Variants in RAD50 observed in about 807,000 individuals in gnomAD.
RAD50 encodes the protein DNA repair protein RAD50.
In RAD50, 132 loss-of-function variants were observed where a neutral mutation model predicts 168.8. The ratio of observed to expected loss-of-function variants is 0.78; its 90% confidence interval spans 0.68 to 0.90. RAD50 has a LOEUF of 0.90. Among genes scored for constraint, RAD50 ranks in the 40% least tolerant of loss-of-function variants. RAD50 has a pLI of 0.00. For synonymous variants in RAD50, 525 were observed against 497.4 expected (o/e 1.06, Z -0.74); for missense variants, 1,347 against 1,534.4 (o/e 0.88, Z 2.04).
At chr5:132,614,728 C>T (rs1349795450) in intron 19 of RAD50, among the ~76,000 whole-genome samples, 1 of 148,868 alleles carries the variant, frequency 6.7e-6, no homozygotes, top group Non-Finnish European at 1.5e-5. Context: ...ATTTTTGATC[C>T]ATGGTTAGTT....
At chr5:132,619,889 G>GATATATATATATATAT (rs1281581940) in intron 21 of RAD50, among the ~76,000 whole-genome samples, 1 of 132,006 alleles carries the variant, frequency 7.6e-6, no homozygotes, top group African/African-American at 3.0e-5. Flanking sequence ...TATATATAGA[G>GATATATATATATATAT]AGAGAGAGAG....
intron 19 of RAD50, 52 bp downstream of exon 19, chr5:132,609,448 T>C (rs1195713046): frequency 5.0e-6 from 8 of 1,599,248 alleles, no homozygotes; most frequent in Non-Finnish European, 6.8e-6. Flanking sequence ...TTCTTTTCTA[T>C]AGTTTTATTT....
chr5:132,623,470 G>A (rs1046898520), intron 21 of RAD50, among the ~76,000 whole-genome samples: 1 of 152,132 alleles, frequency 6.6e-6, no homozygotes, highest in Non-Finnish European at 1.5e-5. Context: ...AACAGAACGA[G>A]ACTCTGTCTC....
intron 5 of RAD50, among the ~76,000 whole-genome samples, chr5:132,582,954 A>G (rs1212115673): frequency 1.3e-5 from 2 of 152,220 alleles, no homozygotes; most frequent in African/African-American, 4.8e-5. Flanking sequence ...GGAATGAAGC[A>G]GGTAGAGATG....
intron 16 of RAD50, among the ~76,000 whole-genome samples, chr5:132,606,905 G>T (rs538954686): frequency 6.6e-6 from 1 of 152,110 alleles, no homozygotes; most frequent in Non-Finnish European, 1.5e-5. Flanking sequence ...AAAGGCCTTC[G>T]ATAAAATTCA....
intron 13 of RAD50, among the ~76,000 whole-genome samples, chr5:132,601,802 A>G (rs2149846359): frequency 6.6e-6 from 1 of 152,326 alleles, no homozygotes; most frequent in African/African-American, 2.4e-5. Context: ...CAGCCATATA[A>G]AAGGATGAGT....
intron 20 of RAD50, 84 bp downstream of exon 20, chr5:132,616,214 A>C: frequency 7.1e-7 from 1 of 1,399,448 alleles, no homozygotes; most frequent in Non-Finnish European, 1.0e-6. Context: ...TTTTAAAAGA[A>C]TTTTAGCCTC....
chr5:132,563,117 C>T (rs529573019), intron 2 of RAD50, among the ~76,000 whole-genome samples: 14 of 152,304 alleles, frequency 9.2e-5, no homozygotes, highest in Non-Finnish European at 1.5e-4. Flanking sequence ...AGACATAGGA[C>T]AGTAGCTGAA....
chr5:132,629,524 T>C (rs879408758), intron 21 of RAD50, among the ~76,000 whole-genome samples: 3 of 152,198 alleles, frequency 2.0e-5, no homozygotes, highest in African/African-American at 4.8e-5. Context: ...TGAGTTCTCT[T>C]ACCTGGTACT....
chr5:132,626,352 T>TA (rs1751372391), intron 21 of RAD50, among the ~76,000 whole-genome samples: 1 of 152,208 alleles, frequency 6.6e-6, no homozygotes, highest in Non-Finnish European at 1.5e-5. Flanking sequence ...AGTTCTGTCT[T>TA]TAGTTTTTTT....
Position 132,609,198 on chromosome 5 carries a change from G to T in RAD50, c.2911G>T (p.Asp971Tyr). 6.2e-7 allele frequency: 1 copy of T among 1,611,248 alleles called. No homozygotes were observed. The highest frequency in any genetic ancestry group is 1.1e-5 in the South Asian group (1 of 90,142). The change falls in exon 18 of 25, where the codon GAC (aspartate) becomes TAC (tyrosine). Residue 971 changes from aspartate (D) to tyrosine (Y), a missense_variant. Around this residue, in one of 3 missense-constraint regions of RAD50, gnomAD observed 635 missense variants for 739.2 expected, o/e 0.86. Transcript: ENST00000378823. ...IENYIQDGKD[D>Y]YKKQKETELN... ...GAATTATATTCAAGATGGGAAAGAC[G>T]ACTATAAGAAGGTAATTTAAAACTT...
intron 1 of RAD50, among the ~76,000 whole-genome samples, chr5:132,558,433 G>A (rs991737414): frequency 1.3e-5 from 2 of 152,062 alleles, no homozygotes; most frequent in Non-Finnish European, 2.9e-5. Context: ...TTCTACAGCT[G>A]GGCACGGTGG....
chr5:132,636,388 G>A (rs1335917570), intron 21 of RAD50, among the ~76,000 whole-genome samples: 1 of 152,190 alleles, frequency 6.6e-6, no homozygotes, highest in Admixed American at 6.5e-5. Context: ...GTGGAATTTA[G>A]TGCTTAGAGT....
chr5:132,600,319 T>A (rs983934820), intron 13 of RAD50, among the ~76,000 whole-genome samples: 2 of 152,150 alleles, frequency 1.3e-5, no homozygotes, highest in African/African-American at 4.8e-5. Flanking sequence ...AGGAGGGGAC[T>A]TGATGAAGGT....
chr5:132,606,400 C>T (rs1005928415), intron 16 of RAD50, among the ~76,000 whole-genome samples: 4 of 151,908 alleles, frequency 2.6e-5, no homozygotes, highest in South Asian at 4.2e-4. Context: ...ATACATACAC[C>T]CTCCCAAGTC....
At chr5:132,633,344 A>T (rs1470016540) in intron 21 of RAD50, among the ~76,000 whole-genome samples, 1 of 151,966 alleles carries the variant, frequency 6.6e-6, no homozygotes, top group East Asian at 1.9e-4. Context: ...ACCTCAAGTG[A>T]TCTGCCTGCC....
At chr5:132,626,656 C>A (rs1751377297) in intron 21 of RAD50, among the ~76,000 whole-genome samples, 1 of 152,086 alleles carries the variant, frequency 6.6e-6, no homozygotes, top group Admixed American at 6.6e-5. Context: ...TTTAAACATT[C>A]TTTGAGGTTG....
chr5:132,626,744 CTG>C (rs58648981), intron 21 of RAD50, among the ~76,000 whole-genome samples: 26,568 of 152,108 alleles, frequency 0.17, 2,588 homozygotes, highest in South Asian at 0.23. Context: ...GTATCTAACT[CTG>C]TTTTAAAGGG....
In RAD50 at chr5:132,603,901, A is replaced by G. The variant is rs764782704; in HGVS notation, c.2398-19A>G. ...TGCAGTAAGTTTATTAAAGGAAATC[A>G]TTTTGTTATATTCTTAAGATGGAAC... On this transcript the variant is annotated intron_variant, in intron 14 of 24. Transcript: ENST00000378823. The G allele has an allele frequency of 1.9e-6, 3 of 1,568,946 alleles. No homozygotes were observed. In the South Asian group the frequency reaches 3.4e-5, roughly 18 times the overall value.
Sources: allele counts gnomAD v4.1 joint callset (sites outside exome capture counted in the v4.1 genomes callset), GRCh38; gene constraint gnomAD v4.1.1; regional missense constraint gnomAD v4.1.1; transcripts MANE v1.5; gene names NCBI Gene and HGNC (gene_info 2026-07-23, HGNC 2026-07-21).